Variants in CTNND2 observed in about 807,000 individuals in gnomAD.
The protein encoded by CTNND2 is catenin delta-2.
In CTNND2, 22 loss-of-function variants were observed where a neutral mutation model predicts 144.4. That is an observed-to-expected ratio of 0.15 (90% CI 0.11 to 0.22). The LOEUF is 0.22. Ranked by LOEUF, CTNND2 falls within the 10% of genes least tolerant of loss-of-function variation. The pLI is 1.00. For synonymous variants in CTNND2, 751 were observed against 695.6 expected, an observed-to-expected ratio of 1.08 and a Z score of -1.25; for missense variants, 1,353 against 1,618.8, an observed-to-expected ratio of 0.84 and a Z score of 2.82.
intron 1 of CTNND2, among the ~76,000 whole-genome samples, chr5:11,792,595 A>C (rs943421784): frequency 6.6e-6 from 1 of 152,248 alleles, no homozygotes; most frequent in African/African-American, 2.4e-5. Flanking sequence ...GCAGGGGTCT[A>C]AGAGGAAGCA....
intron 2 of CTNND2, among the ~76,000 whole-genome samples, chr5:11,635,345 C>T (rs909136470): frequency 2.0e-5 from 3 of 151,936 alleles, no homozygotes; most frequent in Non-Finnish European, 4.4e-5. Flanking sequence ...TGGAGTCCTA[C>T]TACTAAGCAT....
chr5:11,140,557 T>G (rs887908210), intron 12 of CTNND2, among the ~76,000 whole-genome samples: 1 of 152,190 alleles, frequency 6.6e-6, no homozygotes, highest in African/African-American at 2.4e-5. Flanking sequence ...AACTACCTAT[T>G]GAGAAGACAT....
intron 14 of CTNND2, among the ~76,000 whole-genome samples, chr5:11,104,259 T>A (rs568561437): frequency 8.5e-5 from 13 of 152,272 alleles, no homozygotes; most frequent in Admixed American, 7.8e-4. Context: ...AGGTAGCAGA[T>A]CTGCAGCATC....
chr5:11,071,327 C>T (rs1362601727), intron 16 of CTNND2, among the ~76,000 whole-genome samples: 1 of 152,050 alleles, frequency 6.6e-6, no homozygotes, highest in Non-Finnish European at 1.5e-5. Flanking sequence ...GGCTTAAGGC[C>T]GGGAGTTCAA....
In CTNND2 at chr5:11,287,156, T is replaced by C. The variant is rs143622864; in HGVS notation, c.1629-50333A>G. Among the ~76,000 whole-genome samples, 60 of 152,358 alleles carry C rather than the reference T, an allele frequency of 3.9e-4. 1 individual carries two copies. In the East Asian group the frequency reaches 8.7e-3, roughly 22 times the overall value. ...ATTTGACTAGGCCACAGTACACAGA[T>C]ACAGTATTTGGTCAAACATTATTAC... On this transcript the variant is annotated intron_variant, in intron 9 of 21. Coordinates refer to ENST00000304623, the MANE Select transcript of CTNND2 (RefSeq NM_001332.4).
intron 3 of CTNND2, among the ~76,000 whole-genome samples, chr5:11,420,820 A>G (rs1762307871): frequency 6.6e-6 from 1 of 152,174 alleles, no homozygotes; most frequent in Non-Finnish European, 1.5e-5. Context: ...AACTATTGCC[A>G]TCAAAAATAC....
chr5:11,282,044 C>T (rs1433223471), intron 9 of CTNND2, among the ~76,000 whole-genome samples: 2 of 152,108 alleles, frequency 1.3e-5, no homozygotes, highest in Admixed American at 6.6e-5. Context: ...TATCTCTGTT[C>T]CAGGCAGTAT....
intron 18 of CTNND2, among the ~76,000 whole-genome samples, chr5:11,002,674 A>G (rs540124706): frequency 5.3e-5 from 8 of 152,336 alleles, no homozygotes; most frequent in African/African-American, 1.9e-4. Flanking sequence ...AGTTACGTGC[A>G]TGGTGGCTTC....
intron 1 of CTNND2, among the ~76,000 whole-genome samples, chr5:11,825,960 CT>C (rs1222566310): frequency 1.3e-5 from 2 of 152,040 alleles, no homozygotes. Context: ...GAGCCATTTT[CT>C]TGCCAACAGA....
chr5:11,152,071 T>C (rs1757796936), intron 12 of CTNND2, among the ~76,000 whole-genome samples: 1 of 152,202 alleles, frequency 6.6e-6, no homozygotes, highest in South Asian at 2.1e-4. Context: ...AAAAAGCTTT[T>C]ATACGTAAAG....
chr5:11,601,098 ATC>A (rs1231521630), intron 2 of CTNND2, among the ~76,000 whole-genome samples: 1 of 152,192 alleles, frequency 6.6e-6, no homozygotes, highest in African/African-American at 2.4e-5. Flanking sequence ...AGAATGCCAT[ATC>A]TCTGAATGTA....
chr5:11,814,076 A>G lies in CTNND2; in HGVS notation c.38-81804T>C, dbSNP rs556108250. 7.2e-5 allele frequency among the ~76,000 whole-genome samples: 11 copies of G among 152,288 alleles called. 1 individual carries two copies. Among genetic ancestry groups the G allele is most frequent in the African/African-American group, 2.6e-4 (11 of 41,558 alleles). The stretch of plus-strand genomic sequence containing the variant: ...ATTTACGTACCTGACATATATTTTC[A>G]TCATCTATGTAATTACATTTACTTT... On this transcript the variant is annotated intron_variant, in intron 1 of 21. Coordinates refer to ENST00000304623, the MANE Select transcript of CTNND2 (RefSeq NM_001332.4).
intron 2 of CTNND2, among the ~76,000 whole-genome samples, chr5:11,662,100 C>T (rs934624249): frequency 6.8e-6 from 1 of 147,140 alleles, no homozygotes; most frequent in Admixed American, 6.8e-5. Flanking sequence ...CATATATACA[C>T]ATATTTATGT....
chr5:11,512,934 A>T (rs942841344), intron 3 of CTNND2, among the ~76,000 whole-genome samples: 120 of 152,266 alleles, frequency 7.9e-4, no homozygotes, highest in African/African-American at 2.8e-3. Flanking sequence ...TTTTCATACA[A>T]ATCTCACGTC....
intron 3 of CTNND2, among the ~76,000 whole-genome samples, chr5:11,551,396 TATC>T (rs1336686638): frequency 1.3e-5 from 2 of 151,530 alleles, no homozygotes; most frequent in Non-Finnish European, 2.9e-5. Flanking sequence ...CAACATATTT[TATC>T]ATGTTTTAGC....
chr5:11,715,653 G>A (rs1252625674), intron 2 of CTNND2, among the ~76,000 whole-genome samples: 2 of 152,152 alleles, frequency 1.3e-5, no homozygotes, highest in East Asian at 1.9e-4. Context: ...TTCAATTCAT[G>A]CATAGCTTCT....
chr5:11,858,584 A>C (rs1348945172), intron 1 of CTNND2, among the ~76,000 whole-genome samples: 1 of 152,222 alleles, frequency 6.6e-6, no homozygotes, highest in Non-Finnish European at 1.5e-5. Flanking sequence ...ATGAAGCATT[A>C]ATTTTTCTGT....
intron 1 of CTNND2, among the ~76,000 whole-genome samples, chr5:11,882,791 G>A (rs1319560818): frequency 6.6e-6 from 1 of 152,022 alleles, no homozygotes; most frequent in Non-Finnish European, 1.5e-5. Flanking sequence ...GCTACTTAGA[G>A]TCTTTTGTGG....
chr5:11,081,088 A>ACACACACACACACACACACT (rs1561272807), intron 16 of CTNND2, among the ~76,000 whole-genome samples: 12 of 151,090 alleles, frequency 7.9e-5, no homozygotes, highest in South Asian at 4.2e-4. Context: ...ACACACACAC[A>ACACACACACACACACACACT]CACACACACA....
Sources: allele counts gnomAD v4.1 joint callset (sites outside exome capture counted in the v4.1 genomes callset), GRCh38; gene constraint gnomAD v4.1.1; transcripts MANE v1.5; gene names NCBI Gene and HGNC (gene_info 2026-07-23, HGNC 2026-07-21).